SRRM3: variants seen among roughly 807,000 people sequenced by gnomAD.
SRRM3 encodes serine/arginine repetitive matrix 3, also known as serine/arginine repetitive matrix protein 3.
Under a neutral mutation model 66.2 loss-of-function variants are expected in SRRM3, and 27 were observed. The observed-to-expected ratio is 0.41, with a 90% confidence interval of 0.30 to 0.56. The LOEUF (loss-of-function observed/expected upper bound fraction) is 0.56. Ranked by LOEUF, SRRM3 falls within the 20% of genes least tolerant of loss-of-function variation. SRRM3 has a pLI of 0.32. For missense variants in SRRM3, 918 were observed against 991.9 expected, an observed-to-expected ratio of 0.93 and a Z score of 1.00; for synonymous variants, 391 against 414.9, an observed-to-expected ratio of 0.94 and a Z score of 0.70.
chr7:76,254,805 G>C (rs1444200028), intron 3 of SRRM3, among the ~76,000 whole-genome samples: 3 of 152,248 alleles, frequency 2.0e-5, no homozygotes, highest in Non-Finnish European at 4.4e-5. Flanking sequence ...GCCCTGGAAG[G>C]ATGGGGCTTG....
intron 1 of SRRM3, among the ~76,000 whole-genome samples, chr7:76,233,805 G>A (rs547725967): frequency 6.6e-6 from 1 of 152,268 alleles, no homozygotes; most frequent in South Asian, 2.1e-4. Context: ...TCAGGGGGAA[G>A]GACATATGAG....
intron 1 of SRRM3, among the ~76,000 whole-genome samples, chr7:76,218,684 T>C (rs1800631688): frequency 2.2e-5 from 3 of 134,706 alleles, no homozygotes; most frequent in South Asian, 5.4e-4. Context: ...CTTTTTTTTT[T>C]TTTTTTTTTT....
intron 1 of SRRM3, among the ~76,000 whole-genome samples, chr7:76,205,450 T>C (rs1334592062): frequency 1.3e-5 from 2 of 152,198 alleles, no homozygotes; most frequent in African/African-American, 4.8e-5. Flanking sequence ...CCTCAGGTGA[T>C]CCGCCTGCCT....
chr7:76,256,938 G>A (rs1480343302), intron 3 of SRRM3, among the ~76,000 whole-genome samples: 7 of 152,012 alleles, frequency 4.6e-5, no homozygotes, highest in African/African-American at 1.2e-4. Context: ...TTGAACTCCC[G>A]ACCTCTGGTG....
intron 1 of SRRM3, among the ~76,000 whole-genome samples, chr7:76,202,511 G>T (rs953656331): frequency 7.2e-5 from 11 of 152,170 alleles, no homozygotes; most frequent in Non-Finnish European, 1.5e-5. Flanking sequence ...CGGCCCAGGG[G>T]ACAGCCTGGC....
intron 2 of SRRM3, among the ~76,000 whole-genome samples, chr7:76,237,263 C>T (rs1232754839): frequency 1.3e-5 from 2 of 152,102 alleles, no homozygotes; most frequent in Non-Finnish European, 2.9e-5. Flanking sequence ...AAAAATTAGC[C>T]GGGCATGGTG....
rs1583898398 is a variant in SRRM3, at chr7:76,240,674, C to G, written c.233+5375C>G. ...CTGAGGAACTCTTAAAATTCAGTGTCCCCTCACCCTACTCCTGTCCCAGAG... is the reference window on the plus strand; with the variant it reads ...CTGAGGAACTCTTAAAATTCAGTGTGCCCTCACCCTACTCCTGTCCCAGAG... On this transcript the variant is annotated intron_variant, in intron 2 of 14. Coordinates refer to ENST00000611745, the MANE Select transcript of SRRM3 (RefSeq NM_001110199.3). Among the ~76,000 whole-genome samples the G allele has an allele frequency of 2.0e-5, 3 of 151,974 alleles. No individual in the cohort carries two copies. The South Asian group carries it at 6.2e-4, about 32-fold the overall frequency.
At chr7:76,234,771 T>C (rs1801099289) in intron 1 of SRRM3, among the ~76,000 whole-genome samples, 1 of 152,104 alleles carries the variant, frequency 6.6e-6, no homozygotes, top group African/African-American at 2.4e-5. Context: ...TCCCAGCCAA[T>C]GGCTCTTAGA....
chr7:76,234,851 C>T, intron 1 of SRRM3, 177 bp from the exon 2 acceptor site: 1 of 557,732 alleles, frequency 1.8e-6, no homozygotes, highest in Non-Finnish European at 3.1e-6. Context: ...CCCACTCGTG[C>T]CCTGAGGTGT....
chr7:76,226,221 G>C (rs1234581503), intron 1 of SRRM3, among the ~76,000 whole-genome samples: 3 of 152,220 alleles, frequency 2.0e-5, no homozygotes, highest in Non-Finnish European at 4.4e-5. Flanking sequence ...GCAGCATCCA[G>C]TTTGTGGCCC....
chr7:76,228,986 C>T (rs1376312278), intron 1 of SRRM3, among the ~76,000 whole-genome samples: 5 of 151,104 alleles, frequency 3.3e-5, no homozygotes, highest in African/African-American at 9.7e-5. Context: ...GCAAGCTCTG[C>T]CCCCTGGGTT....
At chr7:76,258,268 C>T (rs951879591) in intron 3 of SRRM3, among the ~76,000 whole-genome samples, 3 of 151,962 alleles carry the variant, frequency 2.0e-5, no homozygotes, top group African/African-American at 7.3e-5. Context: ...CGACAGAGGC[C>T]GGGCTGGAGG....
intron 3 of SRRM3, among the ~76,000 whole-genome samples, chr7:76,255,144 C>CTTTTTTTTTTTTTTTTTTTTTTTTT (rs1309988503): frequency 4.3e-5 from 3 of 70,314 alleles, no homozygotes; most frequent in African/African-American, 1.1e-4. Context: ...TTCTTTCTTT[C>CTTTTTTTTTTTTTTTTTTTTTTTTT]TTTCTTTTTT....
Position 76,260,215 on chromosome 7 carries a change from C to G in SRRM3, c.545+18C>G. On this transcript the variant is annotated intron_variant, in intron 5 of 14. Coordinates refer to ENST00000611745, the MANE Select transcript of SRRM3 (RefSeq NM_001110199.3). ...AGAAGCCGGTGAGAACCGCGCCTGA[C>G]CGGAGCGGGAAGGGAGGAGGAGGTG... 6.6e-7 allele frequency: 1 copy of G among 1,522,160 alleles called. No individual in the cohort carries two copies. Among genetic ancestry groups the G allele is most frequent in the Non-Finnish European group, 8.8e-7 (1 of 1,137,036 alleles). The allele number at this position is 1,522,160 out of a possible 1,614,324, so 94.3% of individuals were successfully genotyped here. A position where few individuals can be genotyped will look rare whatever the true frequency, so the allele number is the denominator to read the frequency against.
At chr7:76,234,927 T>A in intron 1 of SRRM3, 101 bp from the exon 2 acceptor site, 4 of 706,286 alleles carry the variant, frequency 5.7e-6, no homozygotes, top group Non-Finnish European at 9.0e-6. Context: ...ATTAGAGCCA[T>A]GAGTGTGCCC....
At chr7:76,283,209 G>C in intron 14 of SRRM3, 108 bp downstream of exon 14, 4 of 1,133,870 alleles carry the variant, frequency 3.5e-6, no homozygotes, top group Non-Finnish European at 4.5e-6. Flanking sequence ...ACTGAACCTG[G>C]CACGGGGATG....
intron 1 of SRRM3, among the ~76,000 whole-genome samples, chr7:76,224,265 A>G (rs1302847840): frequency 2.0e-5 from 3 of 148,884 alleles, no homozygotes; most frequent in Non-Finnish European, 4.5e-5. Flanking sequence ...ATTTTAGTAG[A>G]GACCGGGTTT....
chr7:76,273,877 C>G (rs1563638909), intron 11 of SRRM3, among the ~76,000 whole-genome samples: 1 of 152,180 alleles, frequency 6.6e-6, no homozygotes, highest in Non-Finnish European at 1.5e-5. Context: ...CTTCCTTGTT[C>G]CCTCCTTCTT....
rs532693580 is a variant in SRRM3, at chr7:76,212,502, T to A, written c.-40+10435T>A. Among the ~76,000 whole-genome samples the A allele has an allele frequency of 3.7e-5, 5 of 136,966 alleles. No homozygotes were observed. In the South Asian group the frequency reaches 1.2e-3, roughly 33 times the overall value. The allele number at this position is 136,966 out of a possible 152,430, so 89.9% of individuals were successfully genotyped here. A position where few individuals can be genotyped will look rare whatever the true frequency, so the allele number is the denominator to read the frequency against. ...TTTTTTTTTTTAGATGGAGTGTTGC[T>A]CTGTTGCCCAGGCTGGAGTGCAGTG... On this transcript the variant is annotated intron_variant, in intron 1 of 14. Coordinates refer to ENST00000611745, the MANE Select transcript of SRRM3 (RefSeq NM_001110199.3).
Sources: allele counts gnomAD v4.1 joint callset (sites outside exome capture counted in the v4.1 genomes callset), GRCh38; gene constraint gnomAD v4.1.1; transcripts MANE v1.5; gene names NCBI Gene and HGNC (gene_info 2026-07-23, HGNC 2026-07-21).